The following FGGY variants were observed in gnomAD, a reference collection of about 807,000 sequenced individuals.
FGGY encodes FGGY carbohydrate kinase domain-containing protein.
FGGY carries 72 observed loss-of-function variants against 71.3 expected under a neutral mutation model. That is an observed-to-expected ratio of 1.01 (90% confidence interval 0.84 to 1.23). The LOEUF (loss-of-function observed/expected upper bound fraction) is 1.23. Ranked by LOEUF, FGGY falls within the 50% of genes most tolerant of loss-of-function variation. FGGY has a pLI of 0.00. For missense variants in FGGY, 668 were observed against 682.3 expected (o/e 0.98, Z 0.23); for synonymous variants, 251 against 250.3 (o/e 1.00, Z -0.02).
intron 8 of FGGY, among the ~76,000 whole-genome samples, chr1:59,588,431 G>A (rs1415418717): frequency 2.0e-5 from 3 of 151,856 alleles, no homozygotes; most frequent in Non-Finnish European, 2.9e-5. Context: ...TCAGATTCAG[G>A]AAATACAGAG....
At chr1:59,701,393 A>C (rs1177446072) in intron 14 of FGGY, among the ~76,000 whole-genome samples, 2 of 152,172 alleles carry the variant, frequency 1.3e-5, no homozygotes, top group Non-Finnish European at 2.9e-5. Context: ...AGCTTATGTC[A>C]TAATCATTCT....
chr1:59,388,272 G>C (rs181299352), intron 5 of FGGY, among the ~76,000 whole-genome samples: 1 of 152,216 alleles, frequency 6.6e-6, no homozygotes, highest in Admixed American at 6.5e-5. Flanking sequence ...GGTCACACTT[G>C]GGCATAGGAG....
At chr1:59,451,014 A>G (rs2072570050) in intron 5 of FGGY, among the ~76,000 whole-genome samples, 1 of 152,098 alleles carries the variant, frequency 6.6e-6, no homozygotes, top group African/African-American at 2.4e-5. Context: ...TTCACATTTG[A>G]TGAAATACTG....
At chr1:59,508,019 G>A (rs1450012555) in intron 6 of FGGY, among the ~76,000 whole-genome samples, 1 of 151,918 alleles carries the variant, frequency 6.6e-6, no homozygotes, top group Non-Finnish European at 1.5e-5. Flanking sequence ...GCCCCTCAGG[G>A]CTCCCTACAG....
At chr1:59,640,866 G>A (rs1345764864) in intron 11 of FGGY, among the ~76,000 whole-genome samples, 1 of 150,970 alleles carries the variant, frequency 6.6e-6, no homozygotes, top group Non-Finnish European at 1.5e-5. Context: ...ACAAATACAG[G>A]CCCTGTTACA....
chr1:59,471,589 CT>C (rs890380671), intron 6 of FGGY, among the ~76,000 whole-genome samples: 8 of 152,160 alleles, frequency 5.3e-5, no homozygotes, highest in Non-Finnish European at 1.2e-4. Context: ...TTATTTTACT[CT>C]TTAGTATCGA....
chr1:59,593,972 C>T (rs1345592531), intron 8 of FGGY, among the ~76,000 whole-genome samples: 1 of 152,206 alleles, frequency 6.6e-6, no homozygotes, highest in African/African-American at 2.4e-5. Context: ...GGGCTCTGCA[C>T]AAAAGGCTGT....
intron 6 of FGGY, among the ~76,000 whole-genome samples, chr1:59,494,439 T>C (rs1358239514): frequency 6.6e-6 from 1 of 151,962 alleles, no homozygotes; most frequent in Non-Finnish European, 1.5e-5. Flanking sequence ...TTTGAGAAGA[T>C]AGAAAAGACC....
intron 4 of FGGY, among the ~76,000 whole-genome samples, chr1:59,359,534 A>G (rs1382503696): frequency 6.6e-6 from 1 of 152,198 alleles, no homozygotes; most frequent in Non-Finnish European, 1.5e-5. Flanking sequence ...GTAGTGAGAA[A>G]GAATGACTAA....
intron 13 of FGGY, among the ~76,000 whole-genome samples, chr1:59,668,640 C>T (rs1435845687): frequency 6.6e-6 from 1 of 152,080 alleles, no homozygotes; most frequent in Non-Finnish European, 1.5e-5. Flanking sequence ...TCACTTATTC[C>T]CAGCTTAGAG....
intron 5 of FGGY, among the ~76,000 whole-genome samples, chr1:59,453,724 T>C (rs79983856): frequency 0.012 from 1,791 of 152,186 alleles, 31 homozygotes; most frequent in African/African-American, 0.041. Flanking sequence ...CAGAAACACA[T>C]AGAATCTCTT....
chr1:59,732,194 G>A (rs2098040856), intron 14 of FGGY, among the ~76,000 whole-genome samples: 1 of 152,154 alleles, frequency 6.6e-6, no homozygotes, highest in Non-Finnish European at 1.5e-5. Context: ...AGGCAGAGCT[G>A]TCCCATTTGA....
chr1:59,428,409 G>A (rs781072136), intron 5 of FGGY, among the ~76,000 whole-genome samples: 4 of 152,188 alleles, frequency 2.6e-5, no homozygotes, highest in East Asian at 3.8e-4. Context: ...CTCCAGAACC[G>A]AAGCGCTGAA....
At chr1:59,515,797 T>G (rs1255510408) in intron 7 of FGGY, among the ~76,000 whole-genome samples, 2 of 152,190 alleles carry the variant, frequency 1.3e-5, no homozygotes, top group Non-Finnish European at 2.9e-5. Flanking sequence ...TGTGGAACTG[T>G]AAGTCAAATT....
intron 5 of FGGY, among the ~76,000 whole-genome samples, chr1:59,435,745 C>CAT (rs1323396120): frequency 7.0e-6 from 1 of 142,248 alleles, no homozygotes; most frequent in Admixed American, 7.0e-5. Context: ...TGTGTGCCTG[C>CAT]GTGTGTGTGT....
At chr1:59,470,899 T>C (rs184914479) in intron 6 of FGGY, among the ~76,000 whole-genome samples, 1 of 152,372 alleles carries the variant, frequency 6.6e-6, no homozygotes, top group Admixed American at 6.5e-5. Context: ...CTCAGAGCTT[T>C]GCTGAAGTGC....
intron 7 of FGGY, among the ~76,000 whole-genome samples, chr1:59,550,747 C>T (rs1302092010): frequency 6.6e-6 from 1 of 152,138 alleles, no homozygotes; most frequent in Non-Finnish European, 1.5e-5. Context: ...TCATGGTGAA[C>T]TAGCACTTCC....
intron 7 of FGGY, among the ~76,000 whole-genome samples, chr1:59,521,451 G>C (rs535830838): frequency 6.6e-6 from 1 of 152,144 alleles, no homozygotes; most frequent in African/African-American, 2.4e-5. Context: ...CCAGGGCCTG[G>C]TGCTATTGCC....
At chr1:59,644,700 G>A (rs1041646861) in intron 11 of FGGY, among the ~76,000 whole-genome samples, 13 of 151,616 alleles carry the variant, frequency 8.6e-5, no homozygotes, top group Non-Finnish European at 1.6e-4. Flanking sequence ...AATATAGGCC[G>A]GGTGCGGTGG....
Sources: allele counts gnomAD v4.1 joint callset (sites outside exome capture counted in the v4.1 genomes callset), GRCh38; gene constraint gnomAD v4.1.1; transcripts MANE v1.5; gene names NCBI Gene and HGNC (gene_info 2026-07-23, HGNC 2026-07-21).